The following USP40 variants were observed in gnomAD, a reference collection of about 807,000 sequenced individuals.
USP40 encodes ubiquitin specific peptidase 40.
USP40 carries 143 observed loss-of-function variants against 166.2 expected under a neutral mutation model. The observed-to-expected ratio is 0.86, with a 90% CI of 0.75 to 0.99. The LOEUF (loss-of-function observed/expected upper bound fraction) is 0.99. Ranked by LOEUF, USP40 falls within the 50% of genes least tolerant of loss-of-function variation. USP40 has a pLI of 0.00. For missense variants in USP40, 1,444 were observed against 1,479.7 expected, an observed-to-expected ratio of 0.98 and a Z score of 0.40; for synonymous variants, 498 against 524.0, an observed-to-expected ratio of 0.95 and a Z score of 0.68.
chr2:233,518,268 A>AG (rs1285640030), intron 18 of USP40, among the ~76,000 whole-genome samples: 2 of 147,724 alleles, frequency 1.4e-5, no homozygotes, highest in African/African-American at 4.9e-5. Context: ...AAAAAAAAAA[A>AG]AAAAAAAAAA....
chr2:233,565,175 AG>A (rs2072028113), intron 2 of USP40, among the ~76,000 whole-genome samples, 180 bp downstream of exon 2: 1 of 152,244 alleles, frequency 6.6e-6, no homozygotes, highest in South Asian at 2.1e-4. Flanking sequence ...GATATATTTA[AG>A]ATTAAGCTTC....
At chr2:233,520,444 C>T (rs1027514877) in intron 17 of USP40, among the ~76,000 whole-genome samples, 2 of 151,536 alleles carry the variant, frequency 1.3e-5, no homozygotes, top group African/African-American at 4.8e-5. Context: ...AGAAAAAAAA[C>T]CCATAATGAA....
chr2:233,556,858 C>A lies in USP40; in HGVS notation c.543G>T (p.Arg181Ser). 1 of 1,606,642 alleles carries A rather than the reference C, an allele frequency of 6.2e-7. No individual in the cohort carries two copies. The highest frequency in any genetic ancestry group is 8.5e-7 in the Non-Finnish European group (1 of 1,177,856). The part of the protein sequence containing the change: ...VCKECKNVSE[R>S]QEDFLDLTVA... ...TAAAATACTCTGGCATATTTACCTG[C>A]CTCTCGCTAACGTTCTTACATTCTT... Residue 181 changes from arginine (R) to serine (S), a missense_variant, in exon 5 of 32, where the codon AGG becomes AGT. Physicochemically the swap from Arg to Ser is moderately radical, Grantham distance 110. Transcript: ENST00000678225.
chr2:233,548,427 C>T lies in USP40; in HGVS notation c.966+674G>A, dbSNP rs370269251. Among the ~76,000 whole-genome samples the T allele has an allele frequency of 1.3e-3, 203 of 152,278 alleles. 1 individual carries two copies. The highest frequency in any genetic ancestry group is 4.5e-3 in the African/African-American group (188 of 41,566). ...ATTGTGTGTTATCTAAATCAATGCT[C>T]ATTTTATTTTTCAGAAAAAATTCAA... On this transcript the variant is annotated intron_variant, in intron 8 of 31. Transcript: ENST00000678225.
Position 233,524,563 on chromosome 2 carries a change from C to T in USP40, c.1811-1G>A. ...GTTTCACACAGTGTCAGTTCATCCC[C>T]TAGAAAGAGATCACCAGTGAGACCA... On this transcript the variant is annotated splice_acceptor_variant, in intron 14 of 31. Coordinates refer to ENST00000678225, the MANE Select transcript of USP40 (RefSeq NM_001365479.2). LOFTEE classifies it high-confidence loss of function. 6.3e-7 allele frequency: 1 copy of T among 1,591,780 alleles called. No homozygotes were observed. Among genetic ancestry groups the T allele is most frequent in the Non-Finnish European group, 8.5e-7 (1 of 1,169,704 alleles).
At chr2:233,534,301 A>C (rs2068779856) in intron 10 of USP40, among the ~76,000 whole-genome samples, 2 of 152,190 alleles carry the variant, frequency 1.3e-5, no homozygotes, top group Non-Finnish European at 2.9e-5. Flanking sequence ...AAGCATAGTA[A>C]GGGTTAAGTC....
At chr2:233,484,321 C>T (rs2064809851) in intron 30 of USP40, among the ~76,000 whole-genome samples, 1 of 152,156 alleles carries the variant, frequency 6.6e-6, no homozygotes, top group African/African-American at 2.4e-5. Context: ...TGAGGTTTGC[C>T]TTCCAAGAAC....
At chr2:233,513,678 A>G (rs1361406352) in intron 18 of USP40, among the ~76,000 whole-genome samples, 5 of 152,216 alleles carry the variant, frequency 3.3e-5, no homozygotes, top group Non-Finnish European at 7.3e-5. Context: ...CAGACTGCCT[A>G]TATTTAAAAT....
chr2:233,514,545 C>T (rs912890800), intron 18 of USP40, among the ~76,000 whole-genome samples: 1 of 151,896 alleles, frequency 6.6e-6, no homozygotes, highest in Non-Finnish European at 1.5e-5. Context: ...AAGCAGGGGT[C>T]AAATTATTCA....
chr2:233,491,766 G>C (rs4663226), intron 25 of USP40, among the ~76,000 whole-genome samples: 2 of 151,990 alleles, frequency 1.3e-5, no homozygotes, highest in African/African-American at 4.8e-5. Context: ...CCCAATAAAT[G>C]TTTATTTATA....
At chr2:233,532,018 ACTT>A (rs1288028967) in intron 11 of USP40, among the ~76,000 whole-genome samples, 3 of 152,170 alleles carry the variant, frequency 2.0e-5, no homozygotes, top group African/African-American at 7.2e-5. Context: ...ACCAGAGGCT[ACTT>A]CCTTTGACCT....
At chr2:233,517,696 A>G (rs1028070790) in intron 18 of USP40, among the ~76,000 whole-genome samples, 20 of 152,032 alleles carry the variant, frequency 1.3e-4, no homozygotes, top group African/African-American at 4.8e-4. Flanking sequence ...CTGCACATGC[A>G]TGTTTATAGC....
At chr2:233,481,834 T>A (rs1365378976) in intron 30 of USP40, among the ~76,000 whole-genome samples, 2 of 152,184 alleles carry the variant, frequency 1.3e-5, no homozygotes, top group East Asian at 3.8e-4. Flanking sequence ...CTCCTCCCTT[T>A]CCCAGGACTC....
intron 28 of USP40, chr2:233,487,926 C>G: frequency 6.9e-6 from 4 of 578,570 alleles, no homozygotes; most frequent in South Asian, 6.1e-5. Flanking sequence ...CGTTGGATGG[C>G]AGACTGTCCG....
intron 22 of USP40, 92 bp downstream of exon 22, chr2:233,499,787 A>G: frequency 6.5e-6 from 7 of 1,069,732 alleles, no homozygotes; most frequent in Non-Finnish European, 9.6e-6. Context: ...ACACCCTATA[A>G]ATTTTTTTTT....
chr2:233,537,488 C>T (rs1426729029), intron 10 of USP40, among the ~76,000 whole-genome samples: 1 of 152,016 alleles, frequency 6.6e-6, no homozygotes, highest in African/African-American at 2.4e-5. Context: ...TGTAAATAAA[C>T]ACAAGGAACA....
chr2:233,551,302 C>A (rs1031569992), intron 7 of USP40, 74 bp downstream of exon 7: 30 of 1,460,898 alleles, frequency 2.1e-5, no homozygotes, highest in Non-Finnish European at 2.7e-5. Flanking sequence ...AATAAACCAA[C>A]TGAAAATCGG....
intron 25 of USP40, among the ~76,000 whole-genome samples, chr2:233,491,603 CGTGTGTGTGTGTGTGT>C (rs3075066): frequency 1.8e-4 from 27 of 150,038 alleles, no homozygotes; most frequent in Middle Eastern, 3.4e-3. Context: ...ACCTGTTCCT[CGTGTGTGTGTGTGTGT>C]GTGTGTGTGT....
At chr2:233,489,602 G>T in intron 26 of USP40, 119 bp from the exon 27 acceptor site, 1 of 774,166 alleles carries the variant, frequency 1.3e-6, no homozygotes, top group Non-Finnish European at 2.1e-6. Flanking sequence ...AGTATCTCAA[G>T]TAATGATAAC....
Sources: gnomAD v4.1 joint callset for allele counts (sites outside exome capture counted in the v4.1 genomes callset) on GRCh38, gnomAD v4.1.1 for gene constraint, MANE v1.5 for transcripts, NCBI Gene and HGNC (gene_info 2026-07-23, HGNC 2026-07-21) for gene names.